PRDM16: variants seen among roughly 807,000 people sequenced by gnomAD.
PRDM16 encodes histone-lysine N-methyltransferase PRDM16.
A neutral mutation model predicts 110.6 loss-of-function variants in PRDM16; 23 were observed. That is an observed-to-expected ratio of 0.21 (90% CI 0.15 to 0.29). The LOEUF is 0.29. PRDM16 is among the 10% of genes least tolerant of loss of function. The pLI is 1.00. For synonymous variants in PRDM16, 799 were observed against 781.8 expected (o/e 1.02, Z -0.37); for missense variants, 1,615 against 1,794.3 (o/e 0.90, Z 1.81).
intron 1 of PRDM16, among the ~76,000 whole-genome samples, chr1:3,141,229 G>T (rs1025572054): frequency 6.6e-6 from 1 of 152,190 alleles, no homozygotes; most frequent in Non-Finnish European, 1.5e-5. Context: ...CAATTTGGGG[G>T]TATTTTCTCC....
intron 3 of PRDM16, among the ~76,000 whole-genome samples, chr1:3,264,893 G>A (rs1640251891): frequency 1.3e-5 from 2 of 152,162 alleles, no homozygotes; most frequent in South Asian, 2.1e-4. Context: ...GGACAGTGGG[G>A]ATGGGCTCAT....
At chr1:3,127,582 A>G (rs1042419280) in intron 1 of PRDM16, among the ~76,000 whole-genome samples, 2 of 152,204 alleles carry the variant, frequency 1.3e-5, no homozygotes, top group African/African-American at 4.8e-5. Flanking sequence ...ATTTTGGAAG[A>G]CTGGCTGCTA....
chr1:3,138,911 A>T (rs1479725170), intron 1 of PRDM16, among the ~76,000 whole-genome samples: 2 of 152,156 alleles, frequency 1.3e-5, no homozygotes, highest in Non-Finnish European at 2.9e-5. Context: ...ATACTTCAGT[A>T]AGAGGGAGGC....
chr1:3,375,642 G>C (rs1642977989), intron 3 of PRDM16, among the ~76,000 whole-genome samples: 1 of 152,212 alleles, frequency 6.6e-6, no homozygotes, highest in Non-Finnish European at 1.5e-5. Context: ...CTGTGGCAGG[G>C]GGCACAGCAC....
rs559972673 is a variant in PRDM16 at position 3,294,469 on chromosome 1, T to A, written c.438+50332T>A. Among the ~76,000 whole-genome samples the A allele has an allele frequency of 3.3e-5, 5 of 152,182 alleles. No homozygotes were observed. The South Asian group carries it at 1.0e-3, about 32-fold the overall frequency. On this transcript the variant is annotated intron_variant, in intron 3 of 16. Coordinates refer to ENST00000270722, the MANE Select transcript of PRDM16 (RefSeq NM_022114.4). ...GGGAGGGGCCCCAAGAGCCTCTGACTTCCCCCCAGATCACCAGGTAAACCC... is the reference window on the plus strand; with the variant it reads ...GGGAGGGGCCCCAAGAGCCTCTGACATCCCCCCAGATCACCAGGTAAACCC...
chr1:3,320,647 T>C (rs1234586331), intron 3 of PRDM16, among the ~76,000 whole-genome samples: 1 of 152,206 alleles, frequency 6.6e-6, no homozygotes, highest in Non-Finnish European at 1.5e-5. Context: ...ACTCTCACGC[T>C]GTTGGAAAGC....
At chr1:3,428,920 G>T (rs907903210) in intron 14 of PRDM16, among the ~76,000 whole-genome samples, 2 of 152,262 alleles carry the variant, frequency 1.3e-5, no homozygotes, top group African/African-American at 4.8e-5. Context: ...AGAAAATCAC[G>T]CAGGGGAGAA....
intron 3 of PRDM16, among the ~76,000 whole-genome samples, chr1:3,266,993 C>T (rs1640310495): frequency 6.6e-6 from 1 of 152,292 alleles, no homozygotes; most frequent in South Asian, 2.1e-4. Flanking sequence ...CATTTTAGAG[C>T]CATCTCCTTT....
chr1:3,122,632 G>A (rs188952532), intron 1 of PRDM16, among the ~76,000 whole-genome samples: 8 of 152,144 alleles, frequency 5.3e-5, no homozygotes, highest in East Asian at 1.9e-4. Context: ...GAACCGTCTC[G>A]ACTCAGCAAA....
chr1:3,186,550 G>A, intron 2 of PRDM16, 76 bp downstream of exon 2: 1 of 1,011,384 alleles, frequency 9.9e-7, no homozygotes, highest in Non-Finnish European at 1.4e-6. Context: ...GCCGGGCTGA[G>A]CAGCCACTGC....
rs1021254370 is a variant in PRDM16 at position 3,434,033 on chromosome 1, A to T, written c.*222A>T. 6.5e-5 allele frequency: 35 copies of T among 539,278 alleles called. No homozygotes were observed. Among genetic ancestry groups the T allele is most frequent in the Non-Finnish European group, 9.8e-6 (3 of 306,928 alleles). The allele number at this position is 539,278 out of a possible 1,614,324, so 33.4% of individuals were successfully genotyped here. On this transcript the variant is annotated 3_prime_UTR_variant, in exon 17 of 17. Coordinates refer to ENST00000270722, the MANE Select transcript of PRDM16 (RefSeq NM_022114.4). ...ATCTCCAAGGATTGGTCTTGAGAAC[A>T]CTGTTCAGTGACGGCCATGCAGGTG... is the stretch of plus-strand genomic sequence containing the variant.
At chr1:3,331,778 T>A (rs1274959195) in intron 3 of PRDM16, among the ~76,000 whole-genome samples, 4 of 152,164 alleles carry the variant, frequency 2.6e-5, no homozygotes, top group African/African-American at 7.2e-5. Context: ...TGCTGTGGGT[T>A]AAGCAACCCC....
At chr1:3,433,621 C>A (rs1348363223) in intron 16 of PRDM16, 56 bp from the exon 17 acceptor site, 2 of 1,561,652 alleles carry the variant, frequency 1.3e-6, no homozygotes, top group Non-Finnish European at 1.7e-6. Context: ...GGATGGCCCG[C>A]CCTGCCCACG....
chr1:3,401,324 C>T (rs914606133), intron 5 of PRDM16, among the ~76,000 whole-genome samples: 4 of 152,192 alleles, frequency 2.6e-5, no homozygotes, highest in Admixed American at 1.3e-4. Context: ...CCCGTCTCCG[C>T]GGCAATCCTT....
chr1:3,259,824 C>T (rs1466523772), intron 3 of PRDM16, among the ~76,000 whole-genome samples: 1 of 152,142 alleles, frequency 6.6e-6, no homozygotes, highest in Non-Finnish European at 1.5e-5. Flanking sequence ...TGCCTCCCCT[C>T]TCCATGGTCA....
Position 3,173,120 on chromosome 1 carries a change from G to A in PRDM16, c.38-13005G>A, listed in dbSNP as rs115664690. Among the ~76,000 whole-genome samples the A allele has an allele frequency of 6.8e-3, 1,033 of 152,318 alleles. 15 individuals carry two copies. The highest frequency in any genetic ancestry group is 0.044 in the Middle Eastern group (13 of 294). The stretch of plus-strand genomic sequence containing the variant: ...TGCTGCCGCCCAGATGCTGCTTAGC[G>A]CAGGGCCAGGGAGCCTCGGCTGTGA... On this transcript the variant is annotated intron_variant, in intron 1 of 16. Transcript: ENST00000270722.
rs368564328 is a variant in PRDM16, at chr1:3,148,607, G to A, written c.38-37518G>A. Among the ~76,000 whole-genome samples the A allele has an allele frequency of 1.3e-5, 2 of 152,190 alleles. No homozygotes were observed. The highest frequency in any genetic ancestry group is 2.9e-5 in the Non-Finnish European group (2 of 68,040). On this transcript the variant is annotated intron_variant, in intron 1 of 16. Transcript: ENST00000270722. This position sits in a 1 kb window ranked among gnomAD's most constrained non-coding sequence, Gnocchi z 5.0. The stretch of plus-strand genomic sequence containing the variant: ...AACTCCTTGCTGGGACCTCCTTGAC[G>A]CTCACGGGGCTCAGATCCCATCTCA...
intron 1 of PRDM16, among the ~76,000 whole-genome samples, chr1:3,119,105 G>A (rs1288567467): frequency 6.6e-6 from 1 of 152,214 alleles, no homozygotes; most frequent in Non-Finnish European, 1.5e-5. Flanking sequence ...TTCAGGCCAA[G>A]GGCCTTTTTG....
At chr1:3,327,017 G>A (rs1641928327) in intron 3 of PRDM16, among the ~76,000 whole-genome samples, 1 of 152,258 alleles carries the variant, frequency 6.6e-6, no homozygotes, top group South Asian at 2.1e-4. Flanking sequence ...GCGGGGCTGG[G>A]TGGACCTCAG....
Sources: gnomAD v4.1 joint callset for allele counts (sites outside exome capture counted in the v4.1 genomes callset) on GRCh38, gnomAD v4.1.1 for gene constraint, Gnocchi (gnomAD v3.1) non-coding constraint, MANE v1.5 for transcripts, NCBI Gene and HGNC (gene_info 2026-07-23, HGNC 2026-07-21) for gene names.